Variants in SGCD observed in about 807,000 individuals in gnomAD.
SGCD encodes sarcoglycan delta, also known as delta-sarcoglycan.
Under a neutral mutation model 36.6 loss-of-function variants are expected in SGCD, and 18 were observed. That is an observed-to-expected ratio of 0.49 (90% CI 0.34 to 0.73). The LOEUF is 0.73. SGCD is among the 30% of genes least tolerant of loss of function. The pLI, the probability that SGCD is intolerant of heterozygous loss-of-function variation, is 0.01. For synonymous variants in SGCD, 133 were observed against 130.6 expected (o/e 1.02, Z -0.12); for missense variants, 387 against 346.7 (o/e 1.12, Z -0.92).
chr5:155,954,562 T>C (rs1217591154), intron 1 of SGCD, among the ~76,000 whole-genome samples: 1 of 142,964 alleles, frequency 7.0e-6, no homozygotes, highest in South Asian at 2.1e-4. Context: ...CTTATGGGGT[T>C]CTTTTTTTTT....
intron 3 of SGCD, among the ~76,000 whole-genome samples, chr5:156,492,116 G>C (rs547407140): frequency 2.6e-5 from 4 of 152,262 alleles, no homozygotes; most frequent in Admixed American, 6.5e-5. Flanking sequence ...GATGGATATA[G>C]AGATTGTGTA....
intron 3 of SGCD, among the ~76,000 whole-genome samples, chr5:156,132,456 G>GTTTTTTTTT (rs1561532851): frequency 5.0e-4 from 37 of 73,554 alleles, no homozygotes; most frequent in Non-Finnish European, 8.6e-4. Context: ...AACTTACCAA[G>GTTTTTTTTT]TCTTTTTTTT....
chr5:155,913,571 TATC>T lies in SGCD; in HGVS notation c.-282+43150_-282+43152del, dbSNP rs1035113402. Among the ~76,000 whole-genome samples the T allele has an allele frequency of 2.7e-3, 405 of 152,314 alleles. 4 individuals carry two copies. Among genetic ancestry groups the T allele is most frequent in the Non-Finnish European group, 2.1e-3 (141 of 68,026 alleles). ...ATTGAATATATTCAATTAAAAACGT[TATC>T]ATATATTATCCCTTCTTGTTATTTA... is the stretch of plus-strand genomic sequence containing the variant. On this transcript the variant is annotated intron_variant, in intron 1 of 9. Coordinates refer to the SGCD transcript ENST00000517913.
intron 1 of SGCD, among the ~76,000 whole-genome samples, chr5:155,893,130 C>G (rs1262680708): frequency 1.3e-5 from 2 of 152,006 alleles, no homozygotes; most frequent in African/African-American, 4.8e-5. Context: ...TAAATGTTCT[C>G]AATACAAAGA....
chr5:156,754,575 A>T (rs2113160521), intron 7 of SGCD, among the ~76,000 whole-genome samples: 1 of 152,366 alleles, frequency 6.6e-6, no homozygotes, highest in African/African-American at 2.4e-5. Flanking sequence ...ATGGAAAGAA[A>T]TACAGTTATT....
At chr5:156,463,338 A>G (rs1041709927) in intron 3 of SGCD, among the ~76,000 whole-genome samples, 2 of 152,074 alleles carry the variant, frequency 1.3e-5, no homozygotes, top group African/African-American at 4.8e-5. Context: ...CACCGTGCCC[A>G]GCCTTAATGG....
chr5:155,754,003 A>G, the SGCD span, among the ~76,000 whole-genome samples: 1 of 151,948 alleles, frequency 6.6e-6, no homozygotes, highest in African/African-American at 2.4e-5. Flanking sequence ...GACATGATTC[A>G]CTCATTGATA....
chr5:156,305,954 T>C (rs1440785877), intron 3 of SGCD, among the ~76,000 whole-genome samples: 6 of 151,600 alleles, frequency 4.0e-5, no homozygotes. Flanking sequence ...TTGGAATGGC[T>C]GTATTTACCC....
At chr5:156,429,335 C>A (rs1416018743) in intron 3 of SGCD, among the ~76,000 whole-genome samples, 1 of 149,524 alleles carries the variant, frequency 6.7e-6, no homozygotes, top group Non-Finnish European at 1.5e-5. Context: ...GCTACTCCAG[C>A]TCACTTTTGG....
At chr5:156,738,939 T>TGAGTC (rs1299124227) in intron 7 of SGCD, among the ~76,000 whole-genome samples, 1 of 152,202 alleles carries the variant, frequency 6.6e-6, no homozygotes, top group African/African-American at 2.4e-5. Context: ...CTCAAAATCC[T>TGAGTC]GAGTCTGAAG....
At chr5:155,752,745 T>C in the SGCD span, among the ~76,000 whole-genome samples, 1 of 152,204 alleles carries the variant, frequency 6.6e-6, no homozygotes, top group African/African-American at 2.4e-5. Context: ...TAACACCTAG[T>C]AGATGACCCT....
chr5:156,675,693 T>C (rs1184326510), intron 7 of SGCD, among the ~76,000 whole-genome samples: 1 of 152,204 alleles, frequency 6.6e-6, no homozygotes, highest in Non-Finnish European at 1.5e-5. Context: ...GTGAGTTTTG[T>C]AAGCATTCCT....
chr5:155,763,233 A>G, the SGCD span, among the ~76,000 whole-genome samples: 1 of 152,214 alleles, frequency 6.6e-6, no homozygotes, highest in Non-Finnish European at 1.5e-5. Context: ...TTATAATGAA[A>G]TCTGATGTGT....
chr5:156,329,469 T>A, intron 1 of SGCD, 65 bp from the exon 2 acceptor site: 15 of 1,137,136 alleles, frequency 1.3e-5, no homozygotes, highest in Non-Finnish European at 2.0e-5. Context: ...AGGGTTCAGA[T>A]TTCCTAGGCA....
chr5:156,223,536 T>A (rs1764772668), intron 3 of SGCD, among the ~76,000 whole-genome samples: 2 of 152,078 alleles, frequency 1.3e-5, no homozygotes, highest in African/African-American at 4.8e-5. Context: ...TAGAAGTTGT[T>A]AGGGCAAGAC....
chr5:155,728,807 C>T, the SGCD span, among the ~76,000 whole-genome samples: 1 of 152,194 alleles, frequency 6.6e-6, no homozygotes, highest in Non-Finnish European at 1.5e-5. Context: ...GATGCGCCCC[C>T]ACCCGGGCGG....
chr5:156,756,064 T>C (rs993851685), intron 7 of SGCD, among the ~76,000 whole-genome samples: 3 of 152,140 alleles, frequency 2.0e-5, no homozygotes, highest in African/African-American at 4.8e-5. Context: ...GAATCAATAG[T>C]GGGCAAGGAG....
intron 1 of SGCD, among the ~76,000 whole-genome samples, chr5:155,974,592 T>G (rs1270526754): frequency 6.6e-6 from 1 of 151,680 alleles, no homozygotes; most frequent in Non-Finnish European, 1.5e-5. Flanking sequence ...GGGCCAGTAG[T>G]ACTGCTACTG....
intron 3 of SGCD, among the ~76,000 whole-genome samples, chr5:156,165,509 T>A (rs1361791036): frequency 6.6e-6 from 1 of 152,218 alleles, no homozygotes; most frequent in African/African-American, 2.4e-5. Flanking sequence ...GTTGTGCCAA[T>A]TTTGTTGTCA....
Sources: gnomAD v4.1 joint callset for allele counts (sites outside exome capture counted in the v4.1 genomes callset) on GRCh38, gnomAD v4.1.1 for gene constraint, MANE v1.5 for transcripts, NCBI Gene and HGNC (gene_info 2026-07-23, HGNC 2026-07-21) for gene names.